The following KNL1 variants were observed in gnomAD, a reference collection of about 807,000 sequenced individuals.
KNL1 encodes kinetochore scaffold 1.
Under a neutral mutation model 201.3 loss-of-function variants are expected in KNL1, and 66 were observed. The observed-to-expected ratio is 0.33, with a 90% CI of 0.27 to 0.40. The LOEUF (loss-of-function observed/expected upper bound fraction) is 0.40, where lower values mean the gene tolerates loss of function less well. KNL1 is among the 10% of genes least tolerant of loss of function. The pLI, the probability that KNL1 is intolerant of heterozygous loss-of-function variation, is 1.00. For synonymous variants in KNL1, 895 were observed against 899.2 expected, an observed-to-expected ratio of 1.00 and a Z score of 0.08; for missense variants, 2,815 against 2,690.5, an observed-to-expected ratio of 1.05 and a Z score of -1.02.
intron 1 of KNL1, among the ~76,000 whole-genome samples, chr15:40,596,151 C>T (rs527987754): frequency 6.6e-6 from 1 of 152,198 alleles, no homozygotes; most frequent in Non-Finnish European, 1.5e-5. Context: ...CAAAGAAATA[C>T]CTAACAGTCT....
intron 1 of KNL1, among the ~76,000 whole-genome samples, chr15:40,598,345 G>A (rs1384431176): frequency 1.3e-5 from 2 of 152,094 alleles, no homozygotes; most frequent in African/African-American, 4.8e-5. Context: ...AGAGCTGGAA[G>A]GATTGCTTGA....
chr15:40,636,786 C>T (rs1436241172), intron 13 of KNL1, among the ~76,000 whole-genome samples: 2 of 152,102 alleles, frequency 1.3e-5, no homozygotes, highest in African/African-American at 2.4e-5. Flanking sequence ...GCTGACATCG[C>T]GCCACTGCAC....
intron 25 of KNL1, among the ~76,000 whole-genome samples, chr15:40,661,746 A>G (rs1893914325): frequency 6.6e-6 from 1 of 151,990 alleles, no homozygotes; most frequent in Non-Finnish European, 1.5e-5. Flanking sequence ...GATTTTTTAA[A>G]AAATTGATTA....
intron 13 of KNL1, among the ~76,000 whole-genome samples, chr15:40,630,992 C>G (rs192779032): frequency 5.1e-4 from 77 of 152,194 alleles, no homozygotes; most frequent in African/African-American, 1.9e-3. Context: ...GTGGCACACA[C>G]CTGTAGTCCC....
rs561598452 is a variant in KNL1 at position 40,621,415 on chromosome 15, A to G, written c.1151A>G (p.His384Arg). ...DLSINSADKI[H>R]ITRSHIMGAE... ...TCCATAAACTCTGCAGACAAAATACATATTACCAGAAGTCATATTATGGGG... is the reference window on the plus strand; with the variant it reads ...TCCATAAACTCTGCAGACAAAATACGTATTACCAGAAGTCATATTATGGGG... Residue 384 changes from histidine to arginine, a missense_variant, in exon 10 of 26, where the codon CAT becomes CGT. By Grantham distance (29) the His-to-Arg change is conservative. Coordinates refer to ENST00000399668, the MANE Select transcript of KNL1 (RefSeq NM_144508.5). 6.2e-6 allele frequency: 10 copies of G among 1,613,352 alleles called. No homozygotes were observed. The highest frequency in any genetic ancestry group is 1.3e-5 in the African/African-American group (1 of 75,016).
intron 8 of KNL1, 95 bp downstream of exon 8, chr15:40,615,473 A>G (rs1321647381): frequency 9.6e-6 from 3 of 312,700 alleles, no homozygotes; most frequent in African/African-American, 3.1e-5. Context: ...GAACCACGAA[A>G]AAAAAGCAAA....
intron 8 of KNL1, chr15:40,615,831 C>T (rs1217794824): frequency 1.3e-5 from 2 of 149,386 alleles, no homozygotes; most frequent in African/African-American, 2.5e-5. Flanking sequence ...GTGGCACAAT[C>T]TCAGCTCACT....
At chr15:40,636,525 A>G (rs1322626858) in intron 13 of KNL1, among the ~76,000 whole-genome samples, 4 of 152,128 alleles carry the variant, frequency 2.6e-5, no homozygotes, top group African/African-American at 4.8e-5. Context: ...CTGTCACCCA[A>G]CTTCAAAAAT....
chr15:40,595,634 T>G (rs991131689), intron 1 of KNL1, among the ~76,000 whole-genome samples: 1 of 152,202 alleles, frequency 6.6e-6, no homozygotes, highest in Non-Finnish European at 1.5e-5. Context: ...ATATTGCCAG[T>G]AAAGCAGTGC....
chr15:40,642,682 C>G (rs1232082797), intron 14 of KNL1, among the ~76,000 whole-genome samples: 1 of 152,130 alleles, frequency 6.6e-6, no homozygotes, highest in East Asian at 1.9e-4. Context: ...GGCTGGAGTG[C>G]AGTAGCGCCA....
intron 13 of KNL1, among the ~76,000 whole-genome samples, chr15:40,639,008 G>T (rs1392221073): frequency 6.7e-6 from 1 of 150,240 alleles, no homozygotes; most frequent in Non-Finnish European, 1.5e-5. Context: ...GGTCAGGCTG[G>T]TCACCAACTC....
Position 40,663,745 on chromosome 15 carries a change from A to C in KNL1, c.*1557A>C. 1 of 193,034 alleles carries C rather than the reference A, an allele frequency of 5.2e-6. No individual in the cohort carries two copies. The highest frequency in any genetic ancestry group is 1.1e-5 in the Non-Finnish European group (1 of 92,418). 12.0% of individuals were successfully genotyped at this position (193,034 alleles called of 1,614,324 possible). On this transcript the variant is annotated 3_prime_UTR_variant, in exon 26 of 26. Coordinates refer to ENST00000399668, the MANE Select transcript of KNL1 (RefSeq NM_144508.5). ...AAAAAATTTACTCAAACTTCATTCA[A>C]ATCCTAATTGTGATAATTTTTGTTT...
In KNL1 at chr15:40,624,877, A is replaced by G; in HGVS notation, c.4613A>G (p.Asn1538Ser). 1 of 1,612,690 alleles carries G rather than the reference A, an allele frequency of 6.2e-7. No individual in the cohort carries two copies. The highest frequency in any genetic ancestry group is 8.5e-7 in the Non-Finnish European group (1 of 1,179,724). Reference protein sequence around the residue: ...VTKQVIQTHVNAGEAPDPVIT... With the variant: ...VTKQVIQTHVSAGEAPDPVIT... ...AAGCAAGTCATTCAAACTCATGTCA[A>G]TGCTGGAGAAGCACCAGATCCTGTA... Residue 1538 changes from asparagine (N) to serine (S), a missense_variant, in exon 10 of 26, where the codon AAT becomes AGT. Physicochemically the swap from Asn to Ser is conservative, Grantham distance 46. Coordinates refer to ENST00000399668, the MANE Select transcript of KNL1 (RefSeq NM_144508.5).
chr15:40,651,634 G>A (rs910845664), intron 20 of KNL1, 62 bp downstream of exon 20: 10 of 1,150,478 alleles, frequency 8.7e-6, no homozygotes, highest in Non-Finnish European at 8.8e-6. Flanking sequence ...TGTTTAAACC[G>A]ATTGGAGCAA....
At position 40,624,973 on chromosome 15, in the gene KNL1, A is replaced by C. The variant is rs746287674; in HGVS notation, c.4709A>C (p.Glu1570Ala). 27 of 1,613,836 alleles carry C rather than the reference A, an allele frequency of 1.7e-5. No individual in the cohort carries two copies. The African/African-American group carries it at 3.2e-4, about 19-fold the overall frequency. The change falls in exon 10 of 26, where the codon GAG becomes GCG. Residue 1570 changes from glutamate (E) to alanine (A), a missense_variant. Physicochemically the swap from Glu to Ala is moderately radical, Grantham distance 107 (BLOSUM62 -1). This residue lies in a region of KNL1 where 2,464 missense variants were observed against 2,291.7 expected (regional missense o/e 1.08). Transcript: ENST00000399668. ...NLNNLNGKTG[E>A]FLAFQTVHLP... ...AATAATTTGAATGGAAAAACTGGAG[A>C]GTTTTTAGCCTTTCAAACTGTTCAT...
rs1262195886 is a variant in KNL1, at chr15:40,663,567, T to C, written c.*1379T>C. ...CAGCAAAATTTTCTATTTTCTTTTATTAAATAGTGACACGTCAAACAATGT... is the reference window on the plus strand; with the variant it reads ...CAGCAAAATTTTCTATTTTCTTTTACTAAATAGTGACACGTCAAACAATGT... On this transcript the variant is annotated 3_prime_UTR_variant, in exon 26 of 26. Transcript: ENST00000399668. 2 of 191,240 alleles carry C rather than the reference T, an allele frequency of 1.0e-5. No homozygotes were observed. The highest frequency in any genetic ancestry group is 2.3e-5 in the African/African-American group (1 of 43,054). The allele number at this position is 191,240 out of a possible 1,614,324, so 11.8% of individuals were successfully genotyped here.
At chr15:40,604,162 G>T (rs1466229717) in intron 2 of KNL1, among the ~76,000 whole-genome samples, 2 of 151,112 alleles carry the variant, frequency 1.3e-5, no homozygotes, top group Admixed American at 1.3e-4. Context: ...CTCATCTAGG[G>T]TCAAATCTGA....
At chr15:40,643,646 C>A (rs114761635) in intron 14 of KNL1, among the ~76,000 whole-genome samples, 1 of 152,006 alleles carries the variant, frequency 6.6e-6, no homozygotes, top group South Asian at 2.1e-4. Context: ...GGTGAGACTC[C>A]GTCTCAAAAA....
Position 40,624,818 on chromosome 15 carries a change from A to C in KNL1, c.4554A>C (p.Thr1518=). The part of the protein sequence containing the change: ...KENIQTTNYN[T]ALDFHSNSDV... Reference sequence around the variant, plus strand: ...ATATTCAAACAACTAACTATAATACAGCTCTAGATTTCCACAGTAACTCAG... The same window carrying C: ...ATATTCAAACAACTAACTATAATACCGCTCTAGATTTCCACAGTAACTCAG... Residue 1518 remains threonine (T), a synonymous_variant, in exon 10 of 26, where the codon ACA becomes ACC. Coordinates refer to ENST00000399668, the MANE Select transcript of KNL1 (RefSeq NM_144508.5). 10 of 1,613,492 alleles carry C rather than the reference A, an allele frequency of 6.2e-6. No individual in the cohort carries two copies. The highest frequency in any genetic ancestry group is 8.5e-6 in the Non-Finnish European group (10 of 1,179,894).
Sources: gnomAD v4.1 joint callset for allele counts (sites outside exome capture counted in the v4.1 genomes callset) on GRCh38, gnomAD v4.1.1 for gene constraint, gnomAD v4.1.1 regional missense constraint, MANE v1.5 for transcripts, NCBI Gene and HGNC (gene_info 2026-07-23, HGNC 2026-07-21) for gene names.